The following CHFR variants were observed in gnomAD, a reference collection of about 807,000 sequenced individuals.
The protein encoded by CHFR is E3 ubiquitin-protein ligase CHFR.
CHFR carries 57 observed loss-of-function variants against 87.6 expected under a neutral mutation model. The observed-to-expected ratio is 0.65, with a 90% CI of 0.53 to 0.81. The LOEUF is 0.81. CHFR is among the 30% of genes least tolerant of loss of function. CHFR has a pLI of 0.00. For missense variants in CHFR, 797 were observed against 865.8 expected, an observed-to-expected ratio of 0.92 and a Z score of 1.00; for synonymous variants, 381 against 359.2, an observed-to-expected ratio of 1.06 and a Z score of -0.69.
intron 7 of CHFR, among the ~76,000 whole-genome samples, chr12:132,860,402 T>A (rs1007778751): frequency 6.6e-6 from 1 of 152,236 alleles, no homozygotes; most frequent in Non-Finnish European, 1.5e-5. Flanking sequence ...ACTTACACAA[T>A]TTTTCATGTT....
At position 132,870,470 on chromosome 12, in the gene CHFR, G is replaced by A. The variant is rs933135036; in HGVS notation, c.403+254C>T. 3.3e-5 allele frequency among the ~76,000 whole-genome samples: 5 copies of A among 151,100 alleles called. No homozygotes were observed. In the East Asian group the frequency reaches 9.7e-4, roughly 29 times the overall value. Reference sequence around the variant, plus strand: ...CTCTCGAACCCGGCAGGAGGAGGCTGCAGTGAGCCGAGATCGCGCCACTGC... The same window carrying A: ...CTCTCGAACCCGGCAGGAGGAGGCTACAGTGAGCCGAGATCGCGCCACTGC... On this transcript the variant is annotated intron_variant, in intron 5 of 17. Transcript: ENST00000450056.
At chr12:132,860,143 A>G (rs1469509378) in intron 7 of CHFR, among the ~76,000 whole-genome samples, 1 of 152,100 alleles carries the variant, frequency 6.6e-6, no homozygotes, top group African/African-American at 2.4e-5. Flanking sequence ...GAGGAAAACT[A>G]TTTTCATGTC....
At position 132,856,473 on chromosome 12, in the gene CHFR, G is replaced by A; in HGVS notation, c.1224C>T (p.Asp408=). 2 of 1,613,988 alleles carry A rather than the reference G, an allele frequency of 1.2e-6. No homozygotes were observed. Among genetic ancestry groups the A allele is most frequent in the South Asian group, 1.1e-5 (1 of 91,086 alleles). Residue 408 remains aspartate, a synonymous_variant, in exon 10 of 18, where the codon GAC becomes GAT. Coordinates refer to ENST00000450056, the MANE Select transcript of CHFR (RefSeq NM_001161346.2). The part of the protein sequence containing the change: ...ELSDVDSESS[D]ISQPYVVCRQ... ...GAGCCAGGGGCATGATTTACCTAATGTCTGAGGACTCACTGTCAACGTCTG... is the reference window on the plus strand; with the variant it reads ...GAGCCAGGGGCATGATTTACCTAATATCTGAGGACTCACTGTCAACGTCTG...
At chr12:132,852,820 G>A (rs1377095392) in intron 11 of CHFR, among the ~76,000 whole-genome samples, 1 of 152,188 alleles carries the variant, frequency 6.6e-6, no homozygotes, top group African/African-American at 2.4e-5. Context: ...GCCTCGTGAT[G>A]TGCTCAGCCC....
In CHFR at chr12:132,843,047, C is replaced by G. The variant is rs779420556; in HGVS notation, c.1880G>C (p.Arg627Pro). ...AGCTTTCACCTGAGTGCGGCAGTTA[C>G]GGCCCCAGTAGCAGTCAGGACGGGA... Reference protein sequence around the residue: ...VTSRPDCYWGRNCRTQVKAHH... With the variant: ...VTSRPDCYWGPNCRTQVKAHH... The change falls in exon 17 of 18, where the codon CGT becomes CCT. Residue 627 changes from arginine to proline, a missense_variant. Coordinates refer to ENST00000450056, the MANE Select transcript of CHFR (RefSeq NM_001161346.2). The G allele has an allele frequency of 6.2e-7, 1 of 1,613,268 alleles. No individual in the cohort carries two copies. Among genetic ancestry groups the G allele is most frequent in the Admixed American group, 1.7e-5 (1 of 59,916 alleles).
rs939003108 is a variant in CHFR at position 132,833,463 on chromosome 12, T to C, written c.*8091A>G. On this transcript the variant is annotated 3_prime_UTR_variant, in exon 18 of 18. Coordinates refer to ENST00000450056, the MANE Select transcript of CHFR (RefSeq NM_001161346.2). ...AAGGCAGAGGCAACCCTGGGGAGGC[T>C]CGCTGCTATTTCAGGCCGATGGTTG... 1 of 152,194 alleles carries C rather than the reference T, an allele frequency of 6.6e-6. No individual in the cohort carries two copies. Among genetic ancestry groups the C allele is most frequent in the Non-Finnish European group, 1.5e-5 (1 of 68,052 alleles). 9.4% of individuals were successfully genotyped at this position (152,194 alleles called of 1,614,324 possible). A position where few individuals can be genotyped will look rare whatever the true frequency, so the allele number is the denominator to read the frequency against.
intron 3 of CHFR, among the ~76,000 whole-genome samples, chr12:132,876,906 T>A (rs1262628710): frequency 6.6e-6 from 1 of 152,174 alleles, no homozygotes; most frequent in Non-Finnish European, 1.5e-5. Flanking sequence ...GTGATTCTCC[T>A]GTCTCAGCCT....
At chr12:132,856,739 G>C in intron 9 of CHFR, 109 bp from the exon 10 acceptor site, 1 of 1,267,152 alleles carries the variant, frequency 7.9e-7, no homozygotes, top group Non-Finnish European at 1.1e-6. Flanking sequence ...GGAGGGGTCT[G>C]GGCGGACCGC....
At chr12:132,858,392 C>CG (rs1272732424) in intron 8 of CHFR, among the ~76,000 whole-genome samples, 1 of 150,592 alleles carries the variant, frequency 6.6e-6, no homozygotes, top group African/African-American at 2.4e-5. Context: ...AAAACCACCC[C>CG]GGGCTACATG....
intron 12 of CHFR, 24 bp downstream of exon 12, chr12:132,851,594 G>T: frequency 6.3e-7 from 1 of 1,593,210 alleles, no homozygotes. Context: ...GAACCCGCCT[G>T]CGTGCGGTGG....
chr12:132,877,907 A>C (rs1441990108), intron 2 of CHFR, among the ~76,000 whole-genome samples: 1 of 151,816 alleles, frequency 6.6e-6, no homozygotes, highest in Non-Finnish European at 1.5e-5. Flanking sequence ...GGTTCACACC[A>C]TTCTCCTGCC....
At chr12:132,876,233 G>GC (rs1365974517) in intron 3 of CHFR, among the ~76,000 whole-genome samples, 1 of 151,982 alleles carries the variant, frequency 6.6e-6, no homozygotes, top group Non-Finnish European at 1.5e-5. Context: ...TAGTGTGATT[G>GC]CATTTATGCA....
intron 8 of CHFR, among the ~76,000 whole-genome samples, chr12:132,858,741 A>G (rs1267858294): frequency 6.7e-6 from 1 of 149,540 alleles, no homozygotes; most frequent in Non-Finnish European, 1.5e-5. Context: ...AAAAAAAAAA[A>G]AAAAAAAAAA....
chr12:132,835,615 GGAGACAGACCA>G lies in CHFR; in HGVS notation c.*5928_*5938del. On this transcript the variant is annotated 3_prime_UTR_variant, in exon 18 of 18. Coordinates refer to ENST00000450056, the MANE Select transcript of CHFR (RefSeq NM_001161346.2). ...CAAGGAGATGCTGCCCACGAGCCAA[GGAGACAGACCA>G]AAGAGGAACCGGCCCCGCTGACACC... 2 of 182,088 alleles carry G rather than the reference GGAGACAGACCA, an allele frequency of 1.1e-5. No homozygotes were observed. The highest frequency in any genetic ancestry group is 1.8e-4 in the South Asian group (2 of 11,022). 11.3% of individuals were successfully genotyped at this position (182,088 alleles called of 1,614,324 possible).
intron 17 of CHFR, among the ~76,000 whole-genome samples, chr12:132,842,126 A>G (rs959477009): frequency 6.7e-4 from 101 of 151,584 alleles, no homozygotes; most frequent in Non-Finnish European, 1.3e-3. Context: ...AAAAAAAAAA[A>G]AAGAAGTGCA....
intron 2 of CHFR, 145 bp from the exon 3 acceptor site, chr12:132,877,799 A>C: frequency 6.0e-6 from 3 of 496,124 alleles, no homozygotes; most frequent in South Asian, 3.5e-5. Flanking sequence ...GAAAGACATA[A>C]AGAAATTTTT....
chr12:132,851,468 A>T, intron 12 of CHFR, 150 bp downstream of exon 12: 1 of 883,018 alleles, frequency 1.1e-6, no homozygotes, highest in Non-Finnish European at 1.7e-6. Flanking sequence ...ATTATTCAAT[A>T]TGGTGACGTG....
chr12:132,887,050 G>A (rs968840185), intron 2 of CHFR, 146 bp downstream of exon 2: 1 of 642,254 alleles, frequency 1.6e-6, no homozygotes, highest in South Asian at 2.3e-5. Flanking sequence ...TCGGTGGGCA[G>A]AACACCGAAT....
Position 132,848,175 on chromosome 12 carries a change from AT to A in CHFR, c.1577-21del. 4 of 1,614,056 alleles carry A rather than the reference AT, an allele frequency of 2.5e-6. No homozygotes were observed. Among genetic ancestry groups the A allele is most frequent in the Non-Finnish European group, 3.4e-6 (4 of 1,179,946 alleles). On this transcript the variant is annotated intron_variant, in intron 13 of 17. Transcript: ENST00000450056. ...TGAGCTCTGCCGAGATGAAGGGGCA[AT>A]GTTACCTGTTTATAATGATGTCGCA...
Sources: allele counts gnomAD v4.1 joint callset (sites outside exome capture counted in the v4.1 genomes callset), GRCh38; gene constraint gnomAD v4.1.1; transcripts MANE v1.5; gene names NCBI Gene and HGNC (gene_info 2026-07-23, HGNC 2026-07-21).